KANK4: variants seen among roughly 807,000 people sequenced by gnomAD.
KANK4 encodes KN motif and ankyrin repeat domains 4.
KANK4 carries 50 observed loss-of-function variants against 80.8 expected under a neutral mutation model. The ratio of observed to expected loss-of-function variants is 0.62; its 90% CI spans 0.49 to 0.78. The LOEUF (loss-of-function observed/expected upper bound fraction) is 0.78, where lower values mean the gene tolerates loss of function less well. Ranked by LOEUF, KANK4 falls within the 30% of genes least tolerant of loss-of-function variation. The probability of loss-of-function intolerance (pLI) is 0.00; values close to 1 mark genes in which losing one functional copy is unlikely to be tolerated. For synonymous variants in KANK4, 465 were observed against 506.9 expected (o/e 0.92, Z 1.11); for missense variants, 1,196 against 1,240.1 (o/e 0.96, Z 0.53).
intron 1 of KANK4, among the ~76,000 whole-genome samples, chr1:62,313,431 C>G (rs1378514315): frequency 1.3e-5 from 2 of 152,198 alleles, no homozygotes; most frequent in Non-Finnish European, 2.9e-5. Flanking sequence ...GTTTAGTAAA[C>G]TTGAATAATG....
intron 1 of KANK4, among the ~76,000 whole-genome samples, chr1:62,310,027 T>C (rs1644485424): frequency 6.6e-6 from 1 of 152,152 alleles, no homozygotes; most frequent in African/African-American, 2.4e-5. Context: ...GAGGATTAAG[T>C]CAGGGAAGGC....
intron 1 of KANK4, among the ~76,000 whole-genome samples, chr1:62,282,417 T>A (rs1672470724): frequency 6.6e-6 from 1 of 152,108 alleles, no homozygotes; most frequent in Admixed American, 6.6e-5. Context: ...TCCACATACA[T>A]CAGAATAATG....
chr1:62,272,458 C>G (rs1672186101), intron 3 of KANK4: 1 of 152,440 alleles, frequency 6.6e-6, no homozygotes, highest in Admixed American at 6.5e-5. Flanking sequence ...CACAGGAATG[C>G]AAAAGCCCAG....
At chr1:62,271,634 A>C (rs750530837) in intron 3 of KANK4, 45 bp from the exon 4 acceptor site, 24 of 1,417,690 alleles carry the variant, frequency 1.7e-5, no homozygotes, top group Admixed American at 3.4e-5. Flanking sequence ...TTGGGGATGC[A>C]TGGGAATGTA....
At chr1:62,311,943 T>G (rs1644501309) in intron 1 of KANK4, among the ~76,000 whole-genome samples, 1 of 152,134 alleles carries the variant, frequency 6.6e-6, no homozygotes, top group African/African-American at 2.4e-5. Flanking sequence ...AAAGTCAGGG[T>G]GAGGGAGGGT....
At chr1:62,252,444 G>A (rs1671644931) in intron 8 of KANK4, among the ~76,000 whole-genome samples, 1 of 152,242 alleles carries the variant, frequency 6.6e-6, no homozygotes, top group Admixed American at 6.5e-5. Context: ...TTATTTCAAG[G>A]GCTGAGGCAG....
rs549395325 is a variant in KANK4, at chr1:62,264,744, C to A, written c.2320-1433G>T. Among the ~76,000 whole-genome samples, 5 of 152,178 alleles carry A rather than the reference C, an allele frequency of 3.3e-5. No individual in the cohort carries two copies. The East Asian group carries it at 9.6e-4, about 29-fold the overall frequency. The stretch of plus-strand genomic sequence containing the variant: ...AATAAATCAGAGTATCTCCTTTATC[C>A]ATGGGATCTTCAAGAAAATCTGGAG... On this transcript the variant is annotated intron_variant, in intron 6 of 9. Coordinates refer to ENST00000371153, the MANE Select transcript of KANK4 (RefSeq NM_181712.5).
chr1:62,297,772 A>G (rs1051488229), intron 1 of KANK4, among the ~76,000 whole-genome samples: 2 of 152,232 alleles, frequency 1.3e-5, no homozygotes, highest in African/African-American at 4.8e-5. Flanking sequence ...TAATCAATAA[A>G]ACACAATTAC....
At chr1:62,243,662 T>C (rs1305710543) in intron 9 of KANK4, among the ~76,000 whole-genome samples, 3 of 152,190 alleles carry the variant, frequency 2.0e-5, no homozygotes, top group East Asian at 1.9e-4. Flanking sequence ...TTCTTTGCTG[T>C]TCCTGTGCGT....
intron 1 of KANK4, among the ~76,000 whole-genome samples, chr1:62,282,357 GC>G (rs1672469368): frequency 6.6e-6 from 1 of 152,138 alleles, no homozygotes; most frequent in East Asian, 1.9e-4. Flanking sequence ...CCTAGCTCCT[GC>G]CCCCATTACA....
At chr1:62,292,779 G>A (rs1672705163) in intron 1 of KANK4, among the ~76,000 whole-genome samples, 1 of 152,210 alleles carries the variant, frequency 6.6e-6, no homozygotes, top group Admixed American at 6.5e-5. Flanking sequence ...TCAGCCTGCT[G>A]GACAGGGTAG....
Position 62,244,205 on chromosome 1 carries a change from T to A in KANK4, c.2883+3267A>T, listed in dbSNP as rs577023340. On this transcript the variant is annotated intron_variant, in intron 9 of 9. Transcript: ENST00000371153. ...TCATGAGTGTTTATTTTTTATTTTT[T>A]TTTTTTTTGAGACAGGGTCTCACTC... 1.4e-3 allele frequency among the ~76,000 whole-genome samples: 206 copies of A among 152,032 alleles called. 1 individual carries two copies. Among genetic ancestry groups the A allele is most frequent in the East Asian group, 0.012 (60 of 5,172 alleles).
chr1:62,274,102 A>C lies in KANK4; in HGVS notation c.1002T>G (p.Leu334=). 6.2e-7 allele frequency: 1 copy of C among 1,614,136 alleles called. No individual in the cohort carries two copies. The highest frequency in any genetic ancestry group is 8.5e-7 in the Non-Finnish European group (1 of 1,180,026). The change falls in exon 3 of 10, where the codon CTT becomes CTG. Residue 334 remains leucine, a synonymous_variant. Transcript: ENST00000371153. ...GIRVTEESLG[L]ARVDPGSISS... is the part of the protein sequence containing the mutation. ...AGATGCTGCCTGGATCCACCCTGGC[A>C]AGGCCCAGGCTTTCCTCAGTTACCC... is the stretch of plus-strand genomic sequence containing the variant.
At chr1:62,254,237 ATTATTTGT>A (rs1033181388) in intron 7 of KANK4, among the ~76,000 whole-genome samples, 47 of 152,272 alleles carry the variant, frequency 3.1e-4, no homozygotes, top group African/African-American at 1.1e-3. Context: ...GAAACCTAGC[ATTATTTGT>A]TTATTTGTTT....
intron 7 of KANK4, among the ~76,000 whole-genome samples, chr1:62,261,079 T>G (rs1368380289): frequency 6.6e-6 from 1 of 151,454 alleles, no homozygotes; most frequent in Non-Finnish European, 1.5e-5. Flanking sequence ...TGCAGCCCAC[T>G]GCCTTCTCAA....
At chr1:62,293,995 T>G (rs569180760) in intron 1 of KANK4, among the ~76,000 whole-genome samples, 30 of 152,358 alleles carry the variant, frequency 2.0e-4, no homozygotes, top group Non-Finnish European at 3.4e-4. Flanking sequence ...CAGGTTCTGG[T>G]GTTCGCAACC....
intron 1 of KANK4, among the ~76,000 whole-genome samples, chr1:62,291,217 C>T (rs1672671904): frequency 6.6e-6 from 1 of 152,120 alleles, no homozygotes; most frequent in Admixed American, 6.5e-5. Context: ...TGCTTATTGG[C>T]TTTTGTATAT....
intron 1 of KANK4, among the ~76,000 whole-genome samples, chr1:62,314,487 C>T (rs1039477085): frequency 1.3e-4 from 20 of 152,146 alleles, no homozygotes; most frequent in African/African-American, 4.8e-4. Flanking sequence ...GAGCTGGCGT[C>T]TCCGGGCTGC....
intron 1 of KANK4, among the ~76,000 whole-genome samples, chr1:62,292,027 T>C (rs1158443106): frequency 6.6e-6 from 1 of 152,194 alleles, no homozygotes; most frequent in Non-Finnish European, 1.5e-5. Context: ...TTAGCAGTTA[T>C]TCCCTATTCC....
Sources: gnomAD v4.1 joint callset for allele counts (sites outside exome capture counted in the v4.1 genomes callset) on GRCh38, gnomAD v4.1.1 for gene constraint, MANE v1.5 for transcripts, NCBI Gene and HGNC (gene_info 2026-07-23, HGNC 2026-07-21) for gene names.